Variants in CLINT1 observed in about 807,000 individuals in gnomAD.
CLINT1 encodes the protein clathrin interacting protein localized in the trans-Golgi region.
A neutral mutation model predicts 70.4 loss-of-function variants in CLINT1; 15 were observed. That is an observed-to-expected ratio of 0.21 (90% CI 0.14 to 0.33). The LOEUF (loss-of-function observed/expected upper bound fraction) is 0.33, where lower values mean the gene tolerates loss of function less well. Ranked by LOEUF, CLINT1 falls within the 10% of genes least tolerant of loss-of-function variation. The probability of loss-of-function intolerance (pLI) is 1.00; values close to 1 mark genes in which losing one functional copy is unlikely to be tolerated. For missense variants in CLINT1, 615 were observed against 778.1 expected (o/e 0.79, Z 2.49); for synonymous variants, 227 against 254.7 (o/e 0.89, Z 1.04).
intron 1 of CLINT1, among the ~76,000 whole-genome samples, chr5:157,838,122 GTT>G (rs199515235): frequency 1.2e-4 from 16 of 129,932 alleles, no homozygotes; most frequent in East Asian, 4.5e-4. Flanking sequence ...AGGTTTTTTT[GTT>G]TTTTTTTTTT....
chr5:157,787,383 A>T lies in CLINT1; in HGVS notation c.*263T>A, dbSNP rs1761756951. 3 of 476,484 alleles carry T rather than the reference A, an allele frequency of 6.3e-6. No homozygotes were observed. Among genetic ancestry groups the T allele is most frequent in the Non-Finnish European group, 1.1e-5 (3 of 267,788 alleles). 29.5% of individuals were successfully genotyped at this position (476,484 alleles called of 1,614,324 possible). A position where few individuals can be genotyped will look rare whatever the true frequency, so the allele number is the denominator to read the frequency against. ...GTTAAATGGACTCTTCAGTTGATAA[A>T]GGCTTTCAATGGTCTCACCACCCAC... On this transcript the variant is annotated 3_prime_UTR_variant, in exon 12 of 12. Transcript: ENST00000411809.
intron 1 of CLINT1, among the ~76,000 whole-genome samples, chr5:157,846,482 A>G (rs764511605): frequency 1.4e-4 from 21 of 152,272 alleles, no homozygotes; most frequent in Admixed American, 8.5e-4. Context: ...AGAGAAGCTG[A>G]AGCTAGCAGA....
intron 8 of CLINT1, among the ~76,000 whole-genome samples, chr5:157,801,445 T>C (rs1762217638): frequency 6.6e-6 from 1 of 151,854 alleles, no homozygotes; most frequent in Admixed American, 6.6e-5. Flanking sequence ...AGGCAGAGGT[T>C]GCAGTGAGTC....
At chr5:157,845,360 A>G (rs1422898755) in intron 1 of CLINT1, among the ~76,000 whole-genome samples, 1 of 151,624 alleles carries the variant, frequency 6.6e-6, no homozygotes, top group Non-Finnish European at 1.5e-5. Flanking sequence ...AAATAATAAT[A>G]ATAAAATAAA....
chr5:157,832,784 C>T (rs1337524781), intron 1 of CLINT1, among the ~76,000 whole-genome samples: 1 of 152,174 alleles, frequency 6.6e-6, no homozygotes, highest in African/African-American at 2.4e-5. Context: ...CACTGAATAT[C>T]CAATCTACTC....
chr5:157,801,001 G>A (rs1762196218), intron 8 of CLINT1, among the ~76,000 whole-genome samples: 1 of 152,158 alleles, frequency 6.6e-6, no homozygotes, highest in Admixed American at 6.5e-5. Flanking sequence ...TTGATATTCT[G>A]TGACACTATA....
At chr5:157,839,903 T>C (rs1012294969) in intron 1 of CLINT1, among the ~76,000 whole-genome samples, 3 of 152,032 alleles carry the variant, frequency 2.0e-5, no homozygotes, top group Non-Finnish European at 2.9e-5. Context: ...TAAAACATCT[T>C]TGTACCAGAA....
chr5:157,824,850 G>C (rs1009977918), intron 1 of CLINT1, among the ~76,000 whole-genome samples: 14 of 152,066 alleles, frequency 9.2e-5, no homozygotes, highest in African/African-American at 3.4e-4. Context: ...TAAAATCATA[G>C]AATATAATCT....
At chr5:157,852,978 G>A (rs1753624734) in intron 1 of CLINT1, among the ~76,000 whole-genome samples, 1 of 152,162 alleles carries the variant, frequency 6.6e-6, no homozygotes, top group Admixed American at 6.5e-5. Flanking sequence ...ACCTTCAAAA[G>A]TACTAAAAAT....
At chr5:157,821,445 C>A (rs1762878100) in intron 1 of CLINT1, among the ~76,000 whole-genome samples, 4 of 152,198 alleles carry the variant, frequency 2.6e-5, no homozygotes, top group Admixed American at 2.6e-4. Context: ...GCTGCTGTTT[C>A]ACAAGAGAAC....
intron 10 of CLINT1, among the ~76,000 whole-genome samples, chr5:157,790,948 C>G (rs1299953447): frequency 6.6e-6 from 1 of 152,158 alleles, no homozygotes; most frequent in Admixed American, 6.5e-5. Context: ...GAATGATTTT[C>G]CATATTAGCA....
Position 157,786,788 on chromosome 5 carries a change from A to G in CLINT1, c.*858T>C, listed in dbSNP as rs1761740777. Reference sequence around the variant, plus strand: ...CACCCAAAAAAAAAATAAAATAAATATTTTTCTGACTGTTCCTGACTTAAA... The same window carrying G: ...CACCCAAAAAAAAAATAAAATAAATGTTTTTCTGACTGTTCCTGACTTAAA... On this transcript the variant is annotated 3_prime_UTR_variant, in exon 12 of 12. Transcript: ENST00000411809. The G allele has an allele frequency of 1.3e-5, 2 of 152,230 alleles. No individual in the cohort carries two copies. The highest frequency in any genetic ancestry group is 1.3e-4 in the Admixed American group (2 of 15,264). 9.4% of individuals were successfully genotyped at this position (152,230 alleles called of 1,614,324 possible).
chr5:157,802,316 C>T (rs1762249130), intron 8 of CLINT1, among the ~76,000 whole-genome samples: 1 of 152,184 alleles, frequency 6.6e-6, no homozygotes, highest in African/African-American at 2.4e-5. Context: ...CTTGGAAAGA[C>T]TGTCTTTAAA....
Position 157,789,938 on chromosome 5 carries a change from T to G in CLINT1, c.1381-425A>C, listed in dbSNP as rs552649635. 3 of 208,820 alleles carry G rather than the reference T, an allele frequency of 1.4e-5. No homozygotes were observed. In the East Asian group the frequency reaches 3.9e-4, roughly 27 times the overall value. 12.9% of individuals were successfully genotyped at this position (208,820 alleles called of 1,614,324 possible). On this transcript the variant is annotated intron_variant, in intron 10 of 11. Transcript: ENST00000411809. ...TTCAGAGGCCAGGCGCAGTGACTTA[T>G]GCCTGTAATCCCAGCACTTTGGGAG...
intron 6 of CLINT1, among the ~76,000 whole-genome samples, chr5:157,809,362 G>T (rs748443868): frequency 3.9e-5 from 6 of 151,946 alleles, no homozygotes; most frequent in Non-Finnish European, 7.4e-5. Context: ...CTTTTCAATT[G>T]TTAACAAATG....
chr5:157,840,563 GAAGT>G (rs1753138023), intron 1 of CLINT1, among the ~76,000 whole-genome samples: 2 of 148,914 alleles, frequency 1.3e-5, no homozygotes, highest in South Asian at 4.3e-4. Context: ...ATGGATGAGG[GAAGT>G]AAGTGTGTGT....
At position 157,787,714 on chromosome 5, in the gene CLINT1, C is replaced by A. The variant is rs780532366; in HGVS notation, c.1810G>T (p.Ala604Ser). Residue 604 changes from alanine to serine, a missense_variant, in exon 12 of 12, where the codon GCC becomes TCC. By Grantham distance (99) the Ala-to-Ser change is moderately conservative. This residue lies in a region of CLINT1 where 374 missense variants were observed against 409.6 expected (regional missense o/e 0.91). Transcript: ENST00000411809. The stretch of plus-strand genomic sequence containing the variant: ...GGTTGCACAGTTCCAGAAGTCATGG[C>A]TATGTTGGGCATGCCCATTCCCATT... ...GTMGMGMPNI[A>S]MTSGTVQPKQ... 56 of 1,613,910 alleles carry A rather than the reference C, an allele frequency of 3.5e-5. No homozygotes were observed. The highest frequency in any genetic ancestry group is 4.3e-5 in the Non-Finnish European group (51 of 1,179,912).
At chr5:157,840,024 C>T (rs549183770) in intron 1 of CLINT1, among the ~76,000 whole-genome samples, 1 of 151,828 alleles carries the variant, frequency 6.6e-6, no homozygotes, top group East Asian at 1.9e-4. Context: ...CGAGACCAGG[C>T]TGTTGCTACT....
chr5:157,843,741 A>G (rs17681466), intron 1 of CLINT1, among the ~76,000 whole-genome samples: 13,644 of 152,248 alleles, frequency 0.09, 805 homozygotes, highest in South Asian at 0.13. Context: ...GTTCCTCAGG[A>G]CAACATCTAA....
Sources: gnomAD v4.1 joint callset for allele counts (sites outside exome capture counted in the v4.1 genomes callset) on GRCh38, gnomAD v4.1.1 for gene constraint, gnomAD v4.1.1 regional missense constraint, MANE v1.5 for transcripts, NCBI Gene and HGNC (gene_info 2026-07-23, HGNC 2026-07-21) for gene names.